The following MAP3K13 variants were observed in gnomAD, a reference collection of about 807,000 sequenced individuals.
MAP3K13 encodes leucine zipper-bearing kinase.
In MAP3K13, 52 loss-of-function variants were observed where a neutral mutation model predicts 104.0. The ratio of observed to expected loss-of-function variants is 0.50; its 90% CI spans 0.40 to 0.63. The LOEUF is 0.63. Ranked by LOEUF, MAP3K13 falls within the 20% of genes least tolerant of loss-of-function variation. MAP3K13 has a pLI of 0.00. For synonymous variants in MAP3K13, 394 were observed against 442.2 expected (o/e 0.89, Z 1.37); for missense variants, 914 against 1,218.5 (o/e 0.75, Z 3.72).
At chr3:185,475,567 A>AG (rs1343240545) in intron 11 of MAP3K13, among the ~76,000 whole-genome samples, 2 of 152,138 alleles carry the variant, frequency 1.3e-5, no homozygotes, top group African/African-American at 4.8e-5. Flanking sequence ...ATTGTGTTTC[A>AG]GGGGGTGGCC....
At chr3:185,342,303 TG>T (rs1722750120) in intron 2 of MAP3K13, among the ~76,000 whole-genome samples, 1 of 152,226 alleles carries the variant, frequency 6.6e-6, no homozygotes, top group Non-Finnish European at 1.5e-5. Context: ...ATCTGCATGC[TG>T]CAGTGCACAA....
At chr3:185,318,912 T>C (rs1488753885) in intron 2 of MAP3K13, among the ~76,000 whole-genome samples, 1 of 152,228 alleles carries the variant, frequency 6.6e-6, no homozygotes, top group East Asian at 1.9e-4. Flanking sequence ...ACTTCTAGTG[T>C]CTCCTGTGGG....
At chr3:185,437,000 C>CAAAAAA (rs58819806) in intron 2 of MAP3K13, among the ~76,000 whole-genome samples, 20 of 36,966 alleles carry the variant, frequency 5.4e-4, no homozygotes, top group African/African-American at 9.3e-4. Context: ...GACTCTGTCT[C>CAAAAAA]AAAAAAAAAA....
chr3:185,437,396 A>C (rs752869499), intron 2 of MAP3K13, 51 bp from the exon 3 acceptor site: 1 of 1,535,678 alleles, frequency 6.5e-7, no homozygotes, highest in African/African-American at 1.4e-5. Context: ...GGCCTTGTAG[A>C]GTGGTCCCTT....
rs535624181 is a variant in MAP3K13 at position 185,370,337 on chromosome 3, G to A, written c.-86+6969G>A. ...AGCCTCCTGAGTAGCTGGGATTACA[G>A]GCATGTGCCACCATGCCCAGTTAAT... On this transcript the variant is annotated intron_variant, in intron 1 of 13. Coordinates refer to ENST00000265026, the MANE Select transcript of MAP3K13 (RefSeq NM_004721.5). 2.6e-5 allele frequency among the ~76,000 whole-genome samples: 4 copies of A among 152,254 alleles called. No homozygotes were observed. The South Asian group carries it at 8.3e-4, about 32-fold the overall frequency.
chr3:185,464,763 C>T (rs1717312950), intron 8 of MAP3K13, among the ~76,000 whole-genome samples: 1 of 152,088 alleles, frequency 6.6e-6, no homozygotes, highest in South Asian at 2.1e-4. Context: ...ATATAAACAA[C>T]AGAAATGTAT....
intron 11 of MAP3K13, among the ~76,000 whole-genome samples, chr3:185,475,354 C>A (rs1391996110): frequency 6.6e-6 from 1 of 152,130 alleles, no homozygotes; most frequent in African/African-American, 2.4e-5. Context: ...CCACCCAATT[C>A]TAAGTATGGT....
intron 9 of MAP3K13, among the ~76,000 whole-genome samples, chr3:185,466,293 T>C (rs1717418615): frequency 6.6e-6 from 1 of 151,516 alleles, no homozygotes; most frequent in Non-Finnish European, 1.5e-5. Context: ...GTTGGGGAAA[T>C]GAAAGTGAGT....
At chr3:185,330,180 C>T (rs1205983587) in intron 2 of MAP3K13, among the ~76,000 whole-genome samples, 1 of 151,426 alleles carries the variant, frequency 6.6e-6, no homozygotes, top group Non-Finnish European at 1.5e-5. Flanking sequence ...GGATTACAGG[C>T]GTGAGCCACC....
intron 1 of MAP3K13, among the ~76,000 whole-genome samples, chr3:185,365,772 A>G (rs1448864249): frequency 6.6e-6 from 1 of 151,650 alleles, no homozygotes; most frequent in Non-Finnish European, 1.5e-5. Flanking sequence ...GAATCTAGAA[A>G]GGAAAATGCC....
intron 1 of MAP3K13, chr3:185,417,743 T>C: frequency 6.2e-7 from 1 of 1,612,656 alleles, no homozygotes; most frequent in South Asian, 1.1e-5. Flanking sequence ...AGCTTGTGAT[T>C]CCTGGCCTGG....
intron 1 of MAP3K13, among the ~76,000 whole-genome samples, chr3:185,379,312 A>G (rs1189408668): frequency 6.6e-6 from 1 of 152,230 alleles, no homozygotes. Flanking sequence ...CACGGATAAA[A>G]GGTGTCTCCT....
Position 185,482,675 on chromosome 3 carries a change from A to C in MAP3K13, c.*219A>C, listed in dbSNP as rs1335888465. On this transcript the variant is annotated 3_prime_UTR_variant, in exon 14 of 14. Coordinates refer to ENST00000265026, the MANE Select transcript of MAP3K13 (RefSeq NM_004721.5). This position sits in a 1 kb window ranked among gnomAD's most constrained non-coding sequence, Gnocchi z 4.5. ...GAAATTAAGTCTCACTGAACATTTC[A>C]ATCAAGAATGGCAGGGATCTATTTT... The C allele has an allele frequency of 2.0e-6, 1 of 492,574 alleles. No individual in the cohort carries two copies. The highest frequency in any genetic ancestry group is 1.9e-5 in the African/African-American group (1 of 51,908). 30.5% of individuals were successfully genotyped at this position (492,574 alleles called of 1,614,324 possible).
rs368925704 is a variant in MAP3K13, at chr3:185,456,791, A to AG, written c.1278+5398dup. On this transcript the variant is annotated intron_variant, in intron 7 of 13. Transcript: ENST00000265026. ...TAATTTTTGTATTTTTAGTAGAGAC[A>AG]GGTTTCACCACGTTGGCCAGGCTGG... Among the ~76,000 whole-genome samples the AG allele has an allele frequency of 5.7e-3, 868 of 152,016 alleles. 5 individuals carry two copies. The highest frequency in any genetic ancestry group is 0.019 in the African/African-American group (777 of 41,478).
In MAP3K13 at chr3:185,418,555, C is replaced by T. The variant is rs1409434684; in HGVS notation, c.-85-9942C>T. On this transcript the variant is annotated intron_variant, in intron 1 of 13. Transcript: ENST00000265026. This position sits in a 1 kb window ranked among gnomAD's most constrained non-coding sequence, Gnocchi z 4.5. ...CCCACCACCTCGAACTCTGGGAATT[C>T]GAGCCATAGCTCTGCCAGTACCCCA... The T allele has an allele frequency of 3.3e-5, 54 of 1,611,946 alleles. No individual in the cohort carries two copies. Among genetic ancestry groups the T allele is most frequent in the Non-Finnish European group, 4.3e-5 (51 of 1,179,816 alleles).
intron 1 of MAP3K13, among the ~76,000 whole-genome samples, chr3:185,415,283 G>C (rs1481934329): frequency 6.6e-6 from 1 of 151,942 alleles, no homozygotes; most frequent in African/African-American, 2.4e-5. Context: ...CTCCTGAGTA[G>C]CTGGGACCAC....
chr3:185,418,538 C>G lies in MAP3K13; in HGVS notation c.-85-9959C>G, dbSNP rs1282701331. 3 of 1,612,076 alleles carry G rather than the reference C, an allele frequency of 1.9e-6. No homozygotes were observed. The Admixed American group carries it at 5.0e-5, about 27-fold the overall frequency. The stretch of plus-strand genomic sequence containing the variant: ...TGGCCAGAGCGGTGAGTCCCACCAC[C>G]TCGAACTCTGGGAATTCGAGCCATA... On this transcript the variant is annotated intron_variant, in intron 1 of 13. Transcript: ENST00000265026. This position sits in a 1 kb window ranked among gnomAD's most constrained non-coding sequence, Gnocchi z 4.5.
chr3:185,315,529 C>T lies in MAP3K13; in HGVS notation c.-86+29886C>T, dbSNP rs990491421. Among the ~76,000 whole-genome samples, 2 of 152,130 alleles carry T rather than the reference C, an allele frequency of 1.3e-5. No individual in the cohort carries two copies. The highest frequency in any genetic ancestry group is 6.5e-5 in the Admixed American group (1 of 15,268). On this transcript the variant is annotated intron_variant, in intron 2 of 14. Transcript: ENST00000424227. The surrounding 1 kb of genome is among the most constrained non-coding windows in gnomAD (Gnocchi z 4.3). ...TTGAGAACGACTGCATTAGAAAAAT[C>T]ATGGGAAAAAATATGGAAATACATA... is the stretch of plus-strand genomic sequence containing the variant.
chr3:185,478,429 G>C (rs1718252674), intron 12 of MAP3K13, among the ~76,000 whole-genome samples: 1 of 152,016 alleles, frequency 6.6e-6, no homozygotes, highest in East Asian at 1.9e-4. Flanking sequence ...GTTATATCCT[G>C]GATCCCTGCA....
Sources: allele counts gnomAD v4.1 joint callset (sites outside exome capture counted in the v4.1 genomes callset), GRCh38; gene constraint gnomAD v4.1.1; non-coding constraint Gnocchi (gnomAD v3.1); transcripts MANE v1.5; gene names NCBI Gene and HGNC (gene_info 2026-07-23, HGNC 2026-07-21).